CNGA1: variants seen among roughly 807,000 people sequenced by gnomAD.
The protein encoded by CNGA1 is cyclic nucleotide-gated channel alpha-1.
A neutral mutation model predicts 69.7 loss-of-function variants in CNGA1; 53 were observed. The ratio of observed to expected loss-of-function variants is 0.76; its 90% CI spans 0.61 to 0.96. The LOEUF is 0.96. CNGA1 is among the 40% of genes least tolerant of loss of function. The pLI is 0.00. For synonymous variants in CNGA1, 249 were observed against 283.5 expected (o/e 0.88, Z 1.22); for missense variants, 739 against 811.2 (o/e 0.91, Z 1.08).
chr4:47,957,586 C>T (rs1262317667), intron 3 of CNGA1, among the ~76,000 whole-genome samples: 3 of 152,036 alleles, frequency 2.0e-5, no homozygotes, highest in Non-Finnish European at 4.4e-5. Flanking sequence ...TGCCACTGCA[C>T]TCTAGCCTGG....
At chr4:47,957,380 T>C (rs146275434) in intron 3 of CNGA1, among the ~76,000 whole-genome samples, 3 of 152,112 alleles carry the variant, frequency 2.0e-5, no homozygotes, top group Non-Finnish European at 4.4e-5. Flanking sequence ...TTTGGGAGGC[T>C]GAGGTGGTAG....
chr4:47,957,405 A>G (rs1404993902), intron 3 of CNGA1, among the ~76,000 whole-genome samples: 1 of 152,148 alleles, frequency 6.6e-6, no homozygotes, highest in Non-Finnish European at 1.5e-5. Context: ...GCTTAAGGCC[A>G]GGAGTTCAAG....
intron 2 of CNGA1, among the ~76,000 whole-genome samples, chr4:48,004,801 C>T (rs575441218): frequency 2.0e-5 from 3 of 149,566 alleles, no homozygotes; most frequent in Non-Finnish European, 4.4e-5. Flanking sequence ...TTTAAGTTGT[C>T]TAGCTTCTGT....
chr4:47,979,258 T>C (rs1163185895), intron 3 of CNGA1, among the ~76,000 whole-genome samples: 1 of 147,258 alleles, frequency 6.8e-6, no homozygotes, highest in African/African-American at 2.5e-5. Context: ...GAGGCGGAGG[T>C]TGCAGTGAGC....
intron 3 of CNGA1, among the ~76,000 whole-genome samples, chr4:47,974,119 GATA>G (rs1448087990): frequency 1.0e-3 from 150 of 147,754 alleles, no homozygotes; most frequent in African/African-American, 3.5e-3. Context: ...TAGATAGATA[GATA>G]GATGATAGAT....
chr4:48,010,150 G>T (rs1310662920), intron 2 of CNGA1, among the ~76,000 whole-genome samples: 1 of 152,080 alleles, frequency 6.6e-6, no homozygotes, highest in African/African-American at 2.4e-5. Flanking sequence ...ACATCATAAG[G>T]TATATAAAGA....
At chr4:47,945,282 C>G (rs1023729126) in intron 6 of CNGA1, among the ~76,000 whole-genome samples, 1 of 152,116 alleles carries the variant, frequency 6.6e-6, no homozygotes, top group Non-Finnish European at 1.5e-5. Context: ...GTACTTAGAC[C>G]TAAGCCAGTA....
intron 10 of CNGA1, among the ~76,000 whole-genome samples, chr4:47,939,975 T>C (rs1738971414): frequency 6.6e-6 from 1 of 152,196 alleles, no homozygotes; most frequent in African/African-American, 2.4e-5. Context: ...ATAAGTGTCC[T>C]TTGAGGCTGC....
At chr4:47,946,952 T>G (rs561029558) in intron 6 of CNGA1, among the ~76,000 whole-genome samples, 2 of 152,072 alleles carry the variant, frequency 1.3e-5, no homozygotes, top group South Asian at 4.2e-4. Context: ...CCTGGTTAAT[T>G]TTTGTATTTT....
At position 47,936,677 on chromosome 4, in the gene CNGA1, T is replaced by C. The variant is rs942857951; in HGVS notation, c.1805A>G (p.Asp602Gly). Residue 602 changes from aspartate (D) to glycine (G), a missense_variant, in exon 11 of 11, where the codon GAT (aspartate) becomes GGT (glycine). Transcript: ENST00000514170. ...EEKGKQILMKDGLLDLNIANA... is the reference protein window; with the variant it reads ...EEKGKQILMKGGLLDLNIANA... ...TGCAATGTTTAGATCCAGTAGACCA[T>C]CTTTCATTAAAATCTGCTTCCCTTT... 1 of 1,614,188 alleles carries C rather than the reference T, an allele frequency of 6.2e-7. No individual in the cohort carries two copies. The highest frequency in any genetic ancestry group is 2.2e-5 in the East Asian group (1 of 44,890).
rs144504699 is a variant in CNGA1, at chr4:47,951,564, C to A, written c.108-95G>T. Reference sequence around the variant, plus strand: ...CACTAGGGGGACAATTGCCTCACCTCTTTTCCTTCCCTCTCAAACTAACAC... The same window carrying A: ...CACTAGGGGGACAATTGCCTCACCTATTTTCCTTCCCTCTCAAACTAACAC... On this transcript the variant is annotated intron_variant, in intron 4 of 10. Coordinates refer to ENST00000514170, the MANE Select transcript of CNGA1 (RefSeq NM_001379270.1). 573 of 809,102 alleles carry A rather than the reference C, an allele frequency of 7.1e-4. 3 individuals carry two copies. In the African/African-American group the frequency reaches 8.5e-3, roughly 12 times the overall value. The allele number at this position is 809,102 out of a possible 1,614,324, so 50.1% of individuals were successfully genotyped here. A position where few individuals can be genotyped will look rare whatever the true frequency, so the allele number is the denominator to read the frequency against.
At chr4:47,940,173 T>C (rs1321519006) in intron 10 of CNGA1, among the ~76,000 whole-genome samples, 1 of 152,178 alleles carries the variant, frequency 6.6e-6, no homozygotes, top group East Asian at 1.9e-4. Flanking sequence ...TCCAGGATAC[T>C]AGTATTTAGA....
chr4:47,988,590 T>A (rs937332519), intron 2 of CNGA1, among the ~76,000 whole-genome samples: 3 of 152,146 alleles, frequency 2.0e-5, no homozygotes, highest in Non-Finnish European at 2.9e-5. Flanking sequence ...AAAGTTCTCA[T>A]ACAGATTTCA....
intron 3 of CNGA1, among the ~76,000 whole-genome samples, chr4:47,956,540 G>A (rs1312670360): frequency 6.6e-6 from 1 of 152,204 alleles, no homozygotes; most frequent in Admixed American, 6.5e-5. Context: ...CCCTTCTAAT[G>A]ACTCTTTGCA....
intron 9 of CNGA1, 108 bp from the exon 10 acceptor site, chr4:47,940,977 A>T (rs1285103713): frequency 4.3e-6 from 3 of 705,446 alleles, no homozygotes; most frequent in Non-Finnish European, 7.4e-6. Flanking sequence ...CAGCACACTC[A>T]GGCTAGGAGA....
intron 3 of CNGA1, chr4:47,971,090 C>T (rs571945978): frequency 2.7e-5 from 12 of 446,224 alleles, no homozygotes; most frequent in Admixed American, 7.2e-5. Context: ...GGGCGAAGAG[C>T]GAGACTCCAT....
At chr4:47,979,913 T>G in intron 3 of CNGA1, among the ~76,000 whole-genome samples, 1 of 152,158 alleles carries the variant, frequency 6.6e-6, no homozygotes, top group East Asian at 1.9e-4. Context: ...TTGAAAAAAT[T>G]TTTTTCTCTA....
intron 3 of CNGA1, among the ~76,000 whole-genome samples, chr4:47,974,709 G>GT (rs35156293): frequency 0.55 from 80,622 of 147,186 alleles, 21,894 homozygotes; most frequent in Non-Finnish European, 0.59. Flanking sequence ...GCAGAACTAA[G>GT]TTTTTTTTTT....
At chr4:47,983,027 C>T (rs1161630297) in intron 2 of CNGA1, among the ~76,000 whole-genome samples, 1 of 152,134 alleles carries the variant, frequency 6.6e-6, no homozygotes, top group African/African-American at 2.4e-5. Context: ...TGGTCTCAAA[C>T]TCCTGGCCTC....
Sources: gnomAD v4.1 joint callset for allele counts (sites outside exome capture counted in the v4.1 genomes callset) on GRCh38, gnomAD v4.1.1 for gene constraint, MANE v1.5 for transcripts, NCBI Gene and HGNC (gene_info 2026-07-23, HGNC 2026-07-21) for gene names.